The following TRA2A variants were observed in gnomAD, a reference collection of about 807,000 sequenced individuals.
TRA2A encodes the protein transformer-2 protein homolog alpha.
TRA2A carries 31 observed loss-of-function variants against 45.7 expected under a neutral mutation model. The observed-to-expected ratio is 0.68, with a 90% CI of 0.51 to 0.92. The LOEUF is 0.92. TRA2A is among the 40% of genes least tolerant of loss of function. The pLI, the probability that TRA2A is intolerant of heterozygous loss-of-function variation, is 0.00. For missense variants in TRA2A, 304 were observed against 367.5 expected, an observed-to-expected ratio of 0.83 and a Z score of 1.41; for synonymous variants, 132 against 126.2, an observed-to-expected ratio of 1.05 and a Z score of -0.31.
chr7:23,512,764 T>C lies in TRA2A; in HGVS notation c.525+130A>G, dbSNP rs1789684553. 10 of 803,352 alleles carry C rather than the reference T, an allele frequency of 1.2e-5. No individual in the cohort carries two copies. In the East Asian group the frequency reaches 2.9e-4, roughly 23 times the overall value. 49.8% of individuals were successfully genotyped at this position (803,352 alleles called of 1,614,324 possible). ...TGAGCCACCGCGCCTGGACGCAAGA[T>C]CCTATCTTTAAAAAAAAAAAAAAGA... On this transcript the variant is annotated intron_variant, in intron 4 of 7. Transcript: ENST00000297071.
At chr7:23,516,094 T>C (rs2127995367) in intron 3 of TRA2A, among the ~76,000 whole-genome samples, 1 of 152,074 alleles carries the variant, frequency 6.6e-6, no homozygotes. Flanking sequence ...GAGTCGAAAT[T>C]GCACCCCTGC....
At chr7:23,522,200 C>G in intron 1 of TRA2A, 1 of 1,128,146 alleles carries the variant, frequency 8.9e-7, no homozygotes, top group Non-Finnish European at 1.1e-6. Flanking sequence ...TCTCTTCATT[C>G]TTCATTGAGT....
intron 2 of TRA2A, among the ~76,000 whole-genome samples, chr7:23,520,131 G>A (rs1302588462): frequency 6.6e-6 from 1 of 152,090 alleles, no homozygotes; most frequent in Non-Finnish European, 1.5e-5. Context: ...CAGGAGAACT[G>A]CTTGAACCCG....
rs923103884 is a variant in TRA2A at position 23,516,344 on chromosome 7, A to T, written c.336+19T>A. 7 of 1,612,928 alleles carry T rather than the reference A, an allele frequency of 4.3e-6. No homozygotes were observed. In the African/African-American group the frequency reaches 9.3e-5, roughly 22 times the overall value. On this transcript the variant is annotated intron_variant, in intron 3 of 7. Coordinates refer to ENST00000297071, the MANE Select transcript of TRA2A (RefSeq NM_013293.5). ...TAAAAGAGAAAATAAGTCTTCATTA[A>T]CTTTTATAAACCACGTACCCTGCTG... is the stretch of plus-strand genomic sequence containing the variant.
rs776494038 is a variant in TRA2A at position 23,521,720 on chromosome 7, T to C, written c.157A>G (p.Arg53Gly). Residue 53 changes from arginine to glycine, a missense_variant, in exon 2 of 8, where the codon AGA becomes GGA. Physicochemically the swap from Arg to Gly is moderately radical, Grantham distance 125 (BLOSUM62 -2). Transcript: ENST00000297071. ...SKHSESHSRS[R>G]SKSRSRSRRH... ...AAACACACTTACCTGGATTTTGATCTTGATCGAGAATGGGATTCAGAGTGT... is the reference window on the plus strand; with the variant it reads ...AAACACACTTACCTGGATTTTGATCCTGATCGAGAATGGGATTCAGAGTGT... 1.9e-6 allele frequency: 3 copies of C among 1,614,154 alleles called. No individual in the cohort carries two copies. The highest frequency in any genetic ancestry group is 1.7e-5 in the Admixed American group (1 of 60,016).
chr7:23,531,152 C>T (rs1163111904), intron 1 of TRA2A: 1 of 937,754 alleles, frequency 1.1e-6, no homozygotes, highest in Admixed American at 6.2e-5. Flanking sequence ...CTTAAGAACG[C>T]TTAAGGGTCG....
chr7:23,530,982 C>CATTAAAAG (rs1790558665), intron 1 of TRA2A, among the ~76,000 whole-genome samples: 1 of 151,360 alleles, frequency 6.6e-6, no homozygotes, highest in Non-Finnish European at 1.5e-5. Context: ...GGAAGAAGAG[C>CATTAAAAG]ATTAAAAGTT....
At chr7:23,511,594 C>T (rs1382580378) in intron 4 of TRA2A, among the ~76,000 whole-genome samples, 1 of 151,636 alleles carries the variant, frequency 6.6e-6, no homozygotes, top group African/African-American at 2.4e-5. Context: ...AAAGAGTAAG[C>T]GAGCCTAGGC....
At chr7:23,518,023 C>G (rs1789965797) in intron 2 of TRA2A, among the ~76,000 whole-genome samples, 2 of 151,970 alleles carry the variant, frequency 1.3e-5, no homozygotes, top group Non-Finnish European at 2.9e-5. Context: ...ACTGCAACCT[C>G]TCTCTCCCAG....
In TRA2A at chr7:23,505,792, A is replaced by G. The variant is rs148379714; in HGVS notation, c.792T>C (p.Tyr264=). 77 of 1,560,458 alleles carry G rather than the reference A, an allele frequency of 4.9e-5. No individual in the cohort carries two copies. Among genetic ancestry groups the G allele is most frequent in the Non-Finnish European group, 6.5e-5 (75 of 1,158,002 alleles). ...YRYRRRSPSP[Y]YSRYRSRSRS... ...TTGATCGTGATCTATATCGACTATA[A>G]TAAGGAGAAGGTGATCGTCTTCTGT... The change falls in exon 7 of 8, where the codon TAT becomes TAC. Residue 264 remains tyrosine, a synonymous_variant. Coordinates refer to ENST00000297071, the MANE Select transcript of TRA2A (RefSeq NM_013293.5).
chr7:23,517,022 C>T (rs1251691138), intron 2 of TRA2A, among the ~76,000 whole-genome samples: 1 of 150,786 alleles, frequency 6.6e-6, no homozygotes, highest in Non-Finnish European at 1.5e-5. Flanking sequence ...GCAGGAGAAT[C>T]GCTTGAACCC....
rs897581406 is a variant in TRA2A, at chr7:23,519,847, A to G, written c.170+1860T>C. Among the ~76,000 whole-genome samples the G allele has an allele frequency of 2.1e-4, 32 of 152,344 alleles. 1 individual carries two copies. Among genetic ancestry groups the G allele is most frequent in the Middle Eastern group, 3.4e-3 (1 of 294 alleles). On this transcript the variant is annotated intron_variant, in intron 2 of 7. Transcript: ENST00000297071. ...TTAGCTAGCACCAATTTACAGTTCC[A>G]ATTTTTAAAATGAAGAAAAAAAAGT...
rs761025928 is a variant in TRA2A at position 23,506,235 on chromosome 7, C to T, written c.673G>A (p.Gly225Ser). The change falls in exon 6 of 8, where the codon GGT becomes AGT. Residue 225 changes from glycine to serine, a missense_variant. Around this residue, in one of 3 missense-constraint regions of TRA2A, gnomAD observed 130 missense variants for 217.1 expected, o/e 0.60. Transcript: ENST00000297071. ...CGTCTGCCACCACCTCCACCTCCAC[C>T]GCCGCCGCCTCCTCCACCACCCCCA... ...SGGGGGGGGG[G>S]GGGGGGRRRD... is the part of the protein sequence containing the mutation. 36 of 1,610,086 alleles carry T rather than the reference C, an allele frequency of 2.2e-5. No homozygotes were observed. In the South Asian group the frequency reaches 2.6e-4, roughly 12 times the overall value.
chr7:23,519,491 G>C (rs978799547), intron 2 of TRA2A, among the ~76,000 whole-genome samples: 1 of 152,142 alleles, frequency 6.6e-6, no homozygotes, highest in Non-Finnish European at 1.5e-5. Context: ...AGGAGGTGGA[G>C]GTTGCAGTGA....
At chr7:23,520,259 A>AT (rs757916244) in intron 2 of TRA2A, among the ~76,000 whole-genome samples, 4 of 152,112 alleles carry the variant, frequency 2.6e-5, no homozygotes, top group Admixed American at 6.6e-5. Flanking sequence ...AGGAGTCTCT[A>AT]TTTTTTTTAA....
At chr7:23,516,892 G>A (rs1267008920) in intron 2 of TRA2A, among the ~76,000 whole-genome samples, 2 of 151,754 alleles carry the variant, frequency 1.3e-5, no homozygotes, top group Non-Finnish European at 2.9e-5. Context: ...AGCAGATCGC[G>A]AGATCAAGAG....
intron 1 of TRA2A, among the ~76,000 whole-genome samples, chr7:23,523,126 C>G (rs1790202596): frequency 6.6e-6 from 1 of 152,110 alleles, no homozygotes; most frequent in Admixed American, 6.6e-5. Context: ...GCTCTATTAT[C>G]CACGACATAC....
chr7:23,518,969 T>A (rs1200959939), intron 2 of TRA2A, among the ~76,000 whole-genome samples: 5 of 152,232 alleles, frequency 3.3e-5, no homozygotes, highest in African/African-American at 1.2e-4. Flanking sequence ...GTTATAGGCA[T>A]GAGCCACCAC....
chr7:23,514,493 T>C (rs1331458000), intron 3 of TRA2A, among the ~76,000 whole-genome samples: 1 of 152,246 alleles, frequency 6.6e-6, no homozygotes, highest in Non-Finnish European at 1.5e-5. Flanking sequence ...CTCAGTTTAA[T>C]ACCATCTTTC....
Sources: gnomAD v4.1 joint callset for allele counts (sites outside exome capture counted in the v4.1 genomes callset) on GRCh38, gnomAD v4.1.1 for gene constraint, gnomAD v4.1.1 regional missense constraint, MANE v1.5 for transcripts, NCBI Gene and HGNC (gene_info 2026-07-23, HGNC 2026-07-21) for gene names.